The following CGGBP1 variants were observed in gnomAD, a reference collection of about 807,000 sequenced individuals.
CGGBP1 encodes the protein CGG triplet repeat binding protein 1.
CGGBP1 carries 4 observed loss-of-function variants against 11.4 expected under a neutral mutation model. The observed-to-expected ratio is 0.35, with a 90% CI of 0.17 to 0.80. The LOEUF is 0.80. CGGBP1 is among the 30% of genes least tolerant of loss of function. CGGBP1 has a pLI of 0.52. For synonymous variants in CGGBP1, 76 were observed against 74.1 expected, an observed-to-expected ratio of 1.03 and a Z score of -0.13; for missense variants, 135 against 202.1, an observed-to-expected ratio of 0.67 and a Z score of 2.01.
chr3:88,129,820 G>A lies in CGGBP1; in HGVS notation c.-229+11150C>T, dbSNP rs747962285. ...CAGCTCCAGAATGGGGATATGTACT[G>A]TATCTGGTAAGTGTTTGTAAATAAA... On this transcript the variant is annotated intron_variant, in intron 2 of 3. Coordinates refer to the CGGBP1 transcript ENST00000462901. 1.8e-5 allele frequency: 26 copies of A among 1,468,902 alleles called. 1 individual carries two copies. In the South Asian group the frequency reaches 3.4e-4, roughly 19 times the overall value. 91.0% of individuals were successfully genotyped at this position (1,468,902 alleles called of 1,614,324 possible). A position where few individuals can be genotyped will look rare whatever the true frequency, so the allele number is the denominator to read the frequency against.
At chr3:88,111,844 T>C (rs1705108040) in intron 2 of CGGBP1, among the ~76,000 whole-genome samples, 1 of 151,990 alleles carries the variant, frequency 6.6e-6, no homozygotes, top group African/African-American at 2.4e-5. Flanking sequence ...ATCATCTCTT[T>C]TATTTTCATA....
intron 2 of CGGBP1, among the ~76,000 whole-genome samples, chr3:88,103,621 G>A (rs1438419760): frequency 6.6e-6 from 1 of 152,112 alleles, no homozygotes; most frequent in Non-Finnish European, 1.5e-5. Context: ...TAGAACACAA[G>A]TAGGTGAAAG....
chr3:88,080,970 G>A (rs1251499542), intron 2 of CGGBP1, among the ~76,000 whole-genome samples: 1 of 152,160 alleles, frequency 6.6e-6, no homozygotes, highest in Admixed American at 6.5e-5. Flanking sequence ...ATTCCAGGAT[G>A]TTATCCGTGA....
intron 2 of CGGBP1, among the ~76,000 whole-genome samples, chr3:88,065,494 A>G (rs1016346975): frequency 3.3e-5 from 5 of 152,210 alleles, no homozygotes; most frequent in African/African-American, 1.2e-4. Context: ...GAAACTGTTT[A>G]TAGTGTAACT....
chr3:88,066,831 A>G (rs1263232480), intron 2 of CGGBP1, among the ~76,000 whole-genome samples: 1 of 152,236 alleles, frequency 6.6e-6, no homozygotes, highest in African/African-American at 2.4e-5. Context: ...AACCTGTAGT[A>G]AAATATGTGT....
In CGGBP1 at chr3:88,055,332, TGCCTGCAA is replaced by T; in HGVS notation, c.*133_*140del. ...TTTTGCAGTGAGGTGGTTTTTTTTT[TGCCTGCAA>T]CTATATACACATTGCAAAACTATTC... is the stretch of plus-strand genomic sequence containing the variant. On this transcript the variant is annotated 3_prime_UTR_variant, in exon 4 of 4. Transcript: ENST00000482016. This position sits in a 1 kb window ranked among gnomAD's most constrained non-coding sequence, Gnocchi z 4.2. 1.4e-6 allele frequency: 1 copy of T among 725,440 alleles called. No homozygotes were observed. 44.9% of individuals were successfully genotyped at this position (725,440 alleles called of 1,614,324 possible).
chr3:88,100,038 A>G (rs1182486909), intron 2 of CGGBP1, among the ~76,000 whole-genome samples: 1 of 152,208 alleles, frequency 6.6e-6, no homozygotes, highest in African/African-American at 2.4e-5. Flanking sequence ...TGAACAGGCA[A>G]CCTGCAGAAT....
chr3:88,116,740 A>G (rs1157815289), intron 2 of CGGBP1, among the ~76,000 whole-genome samples: 3 of 152,054 alleles, frequency 2.0e-5, no homozygotes, highest in Admixed American at 1.3e-4. Context: ...AGAAAGTCTT[A>G]TAAGAGAGGT....
chr3:88,063,051 CTG>C (rs1442031527), upstream of CGGBP1, among the ~76,000 whole-genome samples: 2 of 152,120 alleles, frequency 1.3e-5, no homozygotes, highest in Non-Finnish European at 2.9e-5. Flanking sequence ...TGTAAAACAA[CTG>C]TGGCGGGGTT....
At chr3:88,118,831 T>C (rs553674284) in intron 2 of CGGBP1, among the ~76,000 whole-genome samples, 1 of 152,042 alleles carries the variant, frequency 6.6e-6, no homozygotes, top group African/African-American at 2.4e-5. Flanking sequence ...AAAACCACAA[T>C]GAGATACCAT....
chr3:88,060,524 T>C (rs1454451442), upstream of CGGBP1, among the ~76,000 whole-genome samples: 2 of 152,168 alleles, frequency 1.3e-5, no homozygotes, highest in Admixed American at 6.5e-5. Context: ...CCTTTTAAAA[T>C]GCGTCCATTA....
intron 2 of CGGBP1, among the ~76,000 whole-genome samples, chr3:88,082,010 T>C (rs1576227423): frequency 6.6e-6 from 1 of 152,278 alleles, no homozygotes; most frequent in Non-Finnish European, 1.5e-5. Context: ...AGCAAACTTA[T>C]CAATGCACAG....
At chr3:88,064,055 T>C (rs1290925859) in intron 2 of CGGBP1, among the ~76,000 whole-genome samples, 1 of 152,186 alleles carries the variant, frequency 6.6e-6, no homozygotes, top group Non-Finnish European at 1.5e-5. Context: ...ATGCCTATGA[T>C]TCTGTCAGTA....
chr3:88,134,216 T>A (rs1706633609), intron 2 of CGGBP1, among the ~76,000 whole-genome samples: 1 of 152,068 alleles, frequency 6.6e-6, no homozygotes, highest in Non-Finnish European at 1.5e-5. Flanking sequence ...ATTTTCTGTT[T>A]TTGTCTGAGT....
At chr3:88,089,187 G>A (rs140078072) in intron 2 of CGGBP1, among the ~76,000 whole-genome samples, 1,747 of 107,606 alleles carry the variant, frequency 0.016, 26 homozygotes, top group Non-Finnish European at 0.025. Flanking sequence ...TCAAGCTTAC[G>A]TATTAAAAAA....
intron 2 of CGGBP1, chr3:88,140,239 A>G: frequency 6.2e-7 from 1 of 1,613,870 alleles, no homozygotes; most frequent in Non-Finnish European, 8.5e-7. Flanking sequence ...CTTTTTGAAG[A>G]TCTTCCTCTG....
intron 2 of CGGBP1, among the ~76,000 whole-genome samples, chr3:88,092,990 T>A (rs1703838603): frequency 3.3e-5 from 5 of 152,330 alleles, no homozygotes; most frequent in Admixed American, 3.3e-4. Flanking sequence ...TAAAAAGTCA[T>A]GTAGTGAATT....
At chr3:88,057,887 T>C (rs1706601651) in intron 2 of CGGBP1, 132 bp downstream of exon 2, 1 of 152,212 alleles carries the variant, frequency 6.6e-6, no homozygotes, top group African/African-American at 2.4e-5. Flanking sequence ...AAAAGTGTTT[T>C]CAATAGAAGA....
intron 2 of CGGBP1, among the ~76,000 whole-genome samples, chr3:88,072,863 C>T (rs1707594439): frequency 6.6e-6 from 1 of 152,026 alleles, no homozygotes; most frequent in South Asian, 2.1e-4. Context: ...GTGATTAGTG[C>T]CACTATTTGA....
Sources: gnomAD v4.1 joint callset for allele counts (sites outside exome capture counted in the v4.1 genomes callset) on GRCh38, gnomAD v4.1.1 for gene constraint, Gnocchi (gnomAD v3.1) non-coding constraint, MANE v1.5 for transcripts, NCBI Gene and HGNC (gene_info 2026-07-23, HGNC 2026-07-21) for gene names.